The following TIMELESS variants were observed in gnomAD, a reference collection of about 807,000 sequenced individuals.
The protein encoded by TIMELESS is protein timeless homolog.
TIMELESS carries 124 observed loss-of-function variants against 164.3 expected under a neutral mutation model. That is an observed-to-expected ratio of 0.75 (90% CI 0.65 to 0.88). TIMELESS has a LOEUF of 0.88. TIMELESS is among the 40% of genes least tolerant of loss of function. The probability of loss-of-function intolerance (pLI) is 0.00; values close to 1 mark genes in which losing one functional copy is unlikely to be tolerated. For synonymous variants in TIMELESS, 564 were observed against 563.4 expected (o/e 1.00, Z -0.02); for missense variants, 1,422 against 1,491.4 (o/e 0.95, Z 0.77).
At position 56,434,145 on chromosome 12, in the gene TIMELESS, T is replaced by A. The variant is rs761584261; in HGVS notation, c.26A>T (p.Glu9Val). ...AAGGGCACTACATGTGGCTAGAAGT[T>A]CACAGTTCATCATGTGCAAGTCCAT... Reference protein sequence around the residue: MDLHMMNCELLATCSALGY... With the variant: MDLHMMNCVLLATCSALGY... Residue 9 changes from glutamate (E) to valine (V), a missense_variant, in exon 2 of 29, where the codon GAA becomes GTA. Transcript: ENST00000553532. 5 of 1,614,136 alleles carry A rather than the reference T, an allele frequency of 3.1e-6. No homozygotes were observed. The highest frequency in any genetic ancestry group is 4.2e-6 in the Non-Finnish European group (5 of 1,180,026).
chr12:56,418,341 G>T lies in TIMELESS; in HGVS notation c.3247C>A (p.Pro1083Thr). 1.2e-6 allele frequency: 2 copies of T among 1,610,308 alleles called. No homozygotes were observed. Among genetic ancestry groups the T allele is most frequent in the Non-Finnish European group, 1.7e-6 (2 of 1,178,416 alleles). Residue 1083 changes from proline (P) to threonine (T), a missense_variant, in exon 27 of 29, where the codon CCA (proline) becomes ACA (threonine). Pro to Thr is a conservative substitution (Grantham distance 38). Coordinates refer to ENST00000553532, the MANE Select transcript of TIMELESS (RefSeq NM_003920.5). ...ASGQETFWRI[P>T]AKLSPTQLRR... ...AGCTGGGTAGGACTCAGCTTGGCTG[G>T]AATTCGCCAGAAGGTTTCCTACAGG...
rs188251815 is a variant in TIMELESS at position 56,445,247 on chromosome 12, G to A, written c.-62+4063C>T. 7.1e-3 allele frequency among the ~76,000 whole-genome samples: 1,068 copies of A among 150,922 alleles called. 9 individuals are homozygous for A. Among genetic ancestry groups the A allele is most frequent in the African/African-American group, 0.024 (969 of 41,052 alleles). ...TTGAGACCAGCCTGACCAACATGGAGAAACCCCATCTCTACTAAAAATACA... is the reference window on the plus strand; with the variant it reads ...TTGAGACCAGCCTGACCAACATGGAAAAACCCCATCTCTACTAAAAATACA... On this transcript the variant is annotated intron_variant, in intron 1 of 28. Transcript: ENST00000553532.
Position 56,433,372 on chromosome 12 carries a change from C to T in TIMELESS, c.429+9G>A, listed in dbSNP as rs1202634002. On this transcript the variant is annotated intron_variant, in intron 5 of 28. Transcript: ENST00000553532. ...CCCATGGTATCCTGTAAGGTGAAGA[C>T]TCACTCACCAGCTGCAGCAGCTCAT... 1.2e-6 allele frequency: 2 copies of T among 1,613,778 alleles called. No homozygotes were observed. Among genetic ancestry groups the T allele is most frequent in the East Asian group, 4.5e-5 (2 of 44,884 alleles).
intron 1 of TIMELESS, among the ~76,000 whole-genome samples, chr12:56,449,077 G>A (rs947806434): frequency 3.3e-5 from 5 of 152,242 alleles, no homozygotes; most frequent in Admixed American, 1.3e-4. Context: ...GGAGACCCAA[G>A]CTGTGCGGAG....
chr12:56,448,176 CG>C lies in TIMELESS; in HGVS notation c.-62+1133del, dbSNP rs1401472445. ...ATCCCAGCACTGTGGGAGGCCGACG[CG>C]GGCGGATCATTTGAGGTCAGGAGTT... On this transcript the variant is annotated intron_variant, in intron 1 of 28. Transcript: ENST00000553532. Among the ~76,000 whole-genome samples, 5 of 152,152 alleles carry C rather than the reference CG, an allele frequency of 3.3e-5. No individual in the cohort carries two copies. The East Asian group carries it at 9.6e-4, about 29-fold the overall frequency.
In TIMELESS at chr12:56,417,696, C is replaced by T. The variant is rs756034589; in HGVS notation, c.*20G>A. The T allele has an allele frequency of 6.8e-6, 11 of 1,613,828 alleles. No homozygotes were observed. In the South Asian group the frequency reaches 1.1e-4, roughly 16 times the overall value. On this transcript the variant is annotated 3_prime_UTR_variant, in exon 29 of 29. Coordinates refer to ENST00000553532, the MANE Select transcript of TIMELESS (RefSeq NM_003920.5). ...CCATCTAAAAACGTGTCTATCTCTA[C>T]CCCTAGGCTTCTTAGCTCTTCAGTC...
chr12:56,428,829 A>G lies in TIMELESS; in HGVS notation c.1304+54T>C, dbSNP rs1383366653. 4.4e-6 allele frequency: 7 copies of G among 1,584,368 alleles called. 1 individual carries two copies. The highest frequency in any genetic ancestry group is 5.2e-6 in the Non-Finnish European group (6 of 1,156,246). On this transcript the variant is annotated intron_variant, in intron 11 of 28. Transcript: ENST00000553532. ...AATCAGGAAAAAAGCACCAGCCAGAATTCAAGCATTCAGATCCCTAGCTCA... is the reference window on the plus strand; with the variant it reads ...AATCAGGAAAAAAGCACCAGCCAGAGTTCAAGCATTCAGATCCCTAGCTCA...
chr12:56,434,659 C>T (rs1273968566), intron 1 of TIMELESS, among the ~76,000 whole-genome samples: 1 of 152,144 alleles, frequency 6.6e-6, no homozygotes, highest in Non-Finnish European at 1.5e-5. Flanking sequence ...GTGGCTTGAA[C>T]CCAGGAGGCA....
intron 1 of TIMELESS, among the ~76,000 whole-genome samples, chr12:56,447,230 T>C (rs901494991): frequency 3.4e-5 from 5 of 146,120 alleles, no homozygotes; most frequent in Non-Finnish European, 7.5e-5. Flanking sequence ...GGAATTCTTA[T>C]TCACCCTTGA....
chr12:56,420,709 T>C (rs367881679), intron 25 of TIMELESS, 22 bp from the exon 26 acceptor site: 43 of 1,613,680 alleles, frequency 2.7e-5, no homozygotes, highest in Admixed American at 5.0e-5. Flanking sequence ...TCAATAGTCA[T>C]ATGGTGAAGA....
chr12:56,433,352 G>T (rs1398243394), intron 5 of TIMELESS, 29 bp downstream of exon 5: 6 of 1,612,722 alleles, frequency 3.7e-6, no homozygotes, highest in Admixed American at 3.3e-5. Flanking sequence ...GCTGTCCCAT[G>T]GTATCCTGTA....
intron 9 of TIMELESS, among the ~76,000 whole-genome samples, chr12:56,430,489 C>T (rs1881840460): frequency 6.6e-6 from 1 of 151,926 alleles, no homozygotes; most frequent in African/African-American, 2.4e-5. Context: ...CCTCAGCCTC[C>T]CGAGTAGTCA....
At chr12:56,433,003 C>T in intron 6 of TIMELESS, 23 bp downstream of exon 6, 1 of 1,281,716 alleles carries the variant, frequency 7.8e-7, no homozygotes, top group Non-Finnish European at 1.1e-6. Context: ...TGCACAAGAA[C>T]ACAGAACACC....
chr12:56,449,155 A>G (rs749964526), intron 1 of TIMELESS, among the ~76,000 whole-genome samples, 155 bp downstream of exon 1: 17 of 152,254 alleles, frequency 1.1e-4, no homozygotes, highest in Non-Finnish European at 2.5e-4. Context: ...GGAGCAGAGT[A>G]CAGAATTGCG....
At chr12:56,433,198 C>G (rs2136145207) in intron 5 of TIMELESS, 71 bp from the exon 6 acceptor site, 1 of 1,496,484 alleles carries the variant, frequency 6.7e-7, no homozygotes, top group East Asian at 2.3e-5. Context: ...GCTGGAAGAC[C>G]CAGGCATAGA....
intron 1 of TIMELESS, among the ~76,000 whole-genome samples, chr12:56,436,520 C>T (rs73113075): frequency 0.014 from 2,071 of 152,082 alleles, 21 homozygotes; most frequent in Non-Finnish European, 0.02. Context: ...TTAATATTAG[C>T]GTAAGTTAGT....
rs1417339893 is a variant in TIMELESS at position 56,416,569 on chromosome 12, C to A, written c.*1147G>T. On this transcript the variant is annotated 3_prime_UTR_variant, in exon 29 of 29. Coordinates refer to ENST00000553532, the MANE Select transcript of TIMELESS (RefSeq NM_003920.5). ...TGTCCTTTTCTATGCCCCATGCCAA[C>A]AAGCTGGCTTCTCTTCCTTTATGGC... 1 of 152,258 alleles carries A rather than the reference C, an allele frequency of 6.6e-6. No homozygotes were observed. The highest frequency in any genetic ancestry group is 2.4e-5 in the African/African-American group (1 of 41,444). The allele number at this position is 152,258 out of a possible 1,614,324, so 9.4% of individuals were successfully genotyped here.
At position 56,421,151 on chromosome 12, in the gene TIMELESS, G is replaced by A. The variant is rs1881467863; in HGVS notation, c.2869-17C>T. 3 of 1,613,272 alleles carry A rather than the reference G, an allele frequency of 1.9e-6. No individual in the cohort carries two copies. Among genetic ancestry groups the A allele is most frequent in the African/African-American group, 1.3e-5 (1 of 74,786 alleles). On this transcript the variant is annotated splice_polypyrimidine_tract_variant and intron_variant, in intron 23 of 28. Transcript: ENST00000553532. ...TCCATTTGGCTAAAATTCATTGGGG[G>A]TTGGGGGAATGAAAATGAAGGCAAC...
intron 21 of TIMELESS, 29 bp from the exon 22 acceptor site, chr12:56,421,838 A>G: frequency 6.2e-7 from 1 of 1,613,830 alleles, no homozygotes; most frequent in Middle Eastern, 1.7e-4. Context: ...GTGGAAGAGG[A>G]AGCCCAGGAA....
Sources: gnomAD v4.1 joint callset for allele counts (sites outside exome capture counted in the v4.1 genomes callset) on GRCh38, gnomAD v4.1.1 for gene constraint, MANE v1.5 for transcripts, NCBI Gene and HGNC (gene_info 2026-07-23, HGNC 2026-07-21) for gene names.